CYRIB: variants seen among roughly 807,000 people sequenced by gnomAD.
CYRIB encodes CYFIP-related Rac1 interactor B.
Under a neutral mutation model 44.2 loss-of-function variants are expected in CYRIB, and 8 were observed. The ratio of observed to expected loss-of-function variants is 0.18; its 90% CI spans 0.11 to 0.33. The LOEUF (loss-of-function observed/expected upper bound fraction) is 0.33, where lower values mean the gene tolerates loss of function less well. Among genes scored for constraint, CYRIB ranks in the 10% least tolerant of loss-of-function variants. The pLI is 1.00. For missense variants in CYRIB, 185 were observed against 382.8 expected, an observed-to-expected ratio of 0.48 and a Z score of 4.31; for synonymous variants, 131 against 127.2, an observed-to-expected ratio of 1.03 and a Z score of -0.20.
chr8:129,972,081 T>G (rs1380540316), intron 1 of CYRIB, among the ~76,000 whole-genome samples: 1 of 152,224 alleles, frequency 6.6e-6, no homozygotes, highest in African/African-American at 2.4e-5. Context: ...CGGAAGCTAC[T>G]TAACCAGCCT....
chr8:129,865,477 A>G (rs1295640630), intron 4 of CYRIB, among the ~76,000 whole-genome samples: 1 of 152,344 alleles, frequency 6.6e-6, no homozygotes. Context: ...TACGTAGAAA[A>G]ACATGGACTC....
chr8:129,931,979 ATTC>A (rs1286626308), intron 1 of CYRIB, among the ~76,000 whole-genome samples: 1 of 150,506 alleles, frequency 6.6e-6, no homozygotes, highest in African/African-American at 2.4e-5. Flanking sequence ...TTAGGAAATA[ATTC>A]TTCATAAGTA....
chr8:129,891,853 T>C (rs1056225557), intron 2 of CYRIB, among the ~76,000 whole-genome samples: 3 of 152,220 alleles, frequency 2.0e-5, no homozygotes, highest in Admixed American at 1.3e-4. Context: ...CTTCATATTA[T>C]AGAATGAAAA....
chr8:129,986,201 A>G (rs1325942741), intron 1 of CYRIB, among the ~76,000 whole-genome samples: 2 of 152,214 alleles, frequency 1.3e-5, no homozygotes, highest in Non-Finnish European at 1.5e-5. Context: ...GAAGAGGGAC[A>G]AGGTTTCAAT....
At chr8:129,963,976 T>C (rs766921815) in intron 2 of CYRIB, among the ~76,000 whole-genome samples, 6 of 152,222 alleles carry the variant, frequency 3.9e-5, no homozygotes, top group Non-Finnish European at 7.3e-5. Flanking sequence ...CCTTTCAAGA[T>C]GAATAACCTA....
At chr8:129,962,783 A>C (rs553517867) in intron 2 of CYRIB, among the ~76,000 whole-genome samples, 1 of 152,300 alleles carries the variant, frequency 6.6e-6, no homozygotes, top group African/African-American at 2.4e-5. Flanking sequence ...TCATCTGTTA[A>C]TTCATTCACT....
chr8:129,881,157 T>C (rs2060680369), intron 2 of CYRIB, among the ~76,000 whole-genome samples: 1 of 152,188 alleles, frequency 6.6e-6, no homozygotes, highest in Non-Finnish European at 1.5e-5. Flanking sequence ...AAATACGGCA[T>C]TGGCATAAAT....
chr8:129,889,082 T>G (rs569781886), intron 2 of CYRIB, among the ~76,000 whole-genome samples: 1 of 151,890 alleles, frequency 6.6e-6, no homozygotes, highest in Admixed American at 6.6e-5. Flanking sequence ...GAGCTAGACT[T>G]TGTCTCAAAA....
chr8:129,934,488 G>A (rs755401267), intron 1 of CYRIB, among the ~76,000 whole-genome samples: 6 of 151,928 alleles, frequency 3.9e-5, no homozygotes, highest in South Asian at 2.1e-4. Flanking sequence ...GTCATATTGC[G>A]GCAGGCCAGG....
intron 1 of CYRIB, among the ~76,000 whole-genome samples, chr8:129,930,553 G>A (rs1197076388): frequency 6.6e-6 from 1 of 151,346 alleles, no homozygotes; most frequent in Non-Finnish European, 1.5e-5. Flanking sequence ...AATGTTAATA[G>A]ACTACTAAGA....
At chr8:129,958,951 G>A (rs1206718033) in intron 2 of CYRIB, among the ~76,000 whole-genome samples, 1 of 150,044 alleles carries the variant, frequency 6.7e-6, no homozygotes, top group Non-Finnish European at 1.5e-5. Context: ...TGTAATCCCA[G>A]CTACTCGGGA....
At chr8:129,906,218 T>C (rs1206448180) in intron 1 of CYRIB, among the ~76,000 whole-genome samples, 1 of 152,146 alleles carries the variant, frequency 6.6e-6, no homozygotes, top group African/African-American at 2.4e-5. Context: ...AAGGCTACAG[T>C]AACCAAAACA....
At chr8:129,910,476 A>ACTT (rs1244748193) in intron 1 of CYRIB, among the ~76,000 whole-genome samples, 6 of 97,558 alleles carry the variant, frequency 6.2e-5, no homozygotes, top group African/African-American at 2.5e-4. Flanking sequence ...GCCTTCTTTC[A>ACTT]CTTTTTTTTT....
chr8:129,950,029 A>C (rs2094421145), intron 2 of CYRIB, among the ~76,000 whole-genome samples: 1 of 152,228 alleles, frequency 6.6e-6, no homozygotes, highest in Non-Finnish European at 1.5e-5. Context: ...TTACATAGGA[A>C]ACATAATCAG....
At chr8:129,991,960 A>AAAC (rs2096645181) in intron 1 of CYRIB, among the ~76,000 whole-genome samples, 2 of 148,354 alleles carry the variant, frequency 1.3e-5, no homozygotes, top group African/African-American at 4.9e-5. Flanking sequence ...AAAAAAAAAA[A>AAAC]AAAAAAAAAA....
At chr8:130,013,648 G>A (rs969085531) in intron 1 of CYRIB, among the ~76,000 whole-genome samples, 1 of 152,176 alleles carries the variant, frequency 6.6e-6, no homozygotes, top group African/African-American at 2.4e-5. Context: ...TGGCAGTAAT[G>A]CTGAGCACGG....
In CYRIB at chr8:129,958,763, T is replaced by TAA. The variant is rs532997313; in HGVS notation, c.-243+12178_-243+12179dup. Among the ~76,000 whole-genome samples, 830 of 130,028 alleles carry TAA rather than the reference T, an allele frequency of 6.4e-3. 11 individuals are homozygous for TAA. Among genetic ancestry groups the TAA allele is most frequent in the African/African-American group, 0.022 (777 of 35,448 alleles). 85.3% of individuals were successfully genotyped at this position (130,028 alleles called of 152,430 possible). Reference sequence around the variant, plus strand: ...GTTTTCCTCCCATCTACCACTGGTTTAAAAAAAAAAAAAAAAAAGAGGCCG... The same window carrying TAA: ...GTTTTCCTCCCATCTACCACTGGTTTAAAAAAAAAAAAAAAAAAAAGAGGCCG... On this transcript the variant is annotated intron_variant, in intron 2 of 14. Transcript: ENST00000401979.
chr8:130,005,522 T>C (rs575314494), intron 1 of CYRIB, among the ~76,000 whole-genome samples: 6 of 152,162 alleles, frequency 3.9e-5, no homozygotes, highest in Non-Finnish European at 7.4e-5. Context: ...TGGGCTTCCA[T>C]TGCCTCTGAA....
At chr8:129,930,832 A>G (rs1440752638) in intron 1 of CYRIB, among the ~76,000 whole-genome samples, 5 of 152,210 alleles carry the variant, frequency 3.3e-5, no homozygotes, top group African/African-American at 1.2e-4. Flanking sequence ...CCCACTGGCA[A>G]CTGAGAACTA....
Sources: gnomAD v4.1 joint callset for allele counts (sites outside exome capture counted in the v4.1 genomes callset) on GRCh38, gnomAD v4.1.1 for gene constraint, MANE v1.5 for transcripts, NCBI Gene and HGNC (gene_info 2026-07-23, HGNC 2026-07-21) for gene names.